USP36: variants seen among roughly 807,000 people sequenced by gnomAD.
USP36 encodes the protein ubiquitin carboxyl-terminal hydrolase 36.
A neutral mutation model predicts 111.5 loss-of-function variants in USP36; 59 were observed. The ratio of observed to expected loss-of-function variants is 0.53; its 90% CI spans 0.43 to 0.66. USP36 has a LOEUF of 0.66. Ranked by LOEUF, USP36 falls within the 30% of genes least tolerant of loss-of-function variation. USP36 has a pLI of 0.00. For missense variants in USP36, 1,488 were observed against 1,468.0 expected (o/e 1.01, Z -0.22); for synonymous variants, 628 against 581.0 (o/e 1.08, Z -1.16).
intron 5 of USP36, among the ~76,000 whole-genome samples, chr17:78,827,833 T>C (rs2067711758): frequency 6.6e-6 from 1 of 152,150 alleles, no homozygotes; most frequent in South Asian, 2.1e-4. Flanking sequence ...GGGTTGAGCC[T>C]AGGAGGTTGA....
chr17:78,789,163 C>A (rs1040723688), intron 3 of USP36, among the ~76,000 whole-genome samples: 1 of 148,928 alleles, frequency 6.7e-6, no homozygotes, highest in African/African-American at 2.5e-5. Context: ...CGCCATTGCA[C>A]CCCAGCCTGG....
intron 1 of USP36, chr17:78,840,405 C>T (rs1488166978): frequency 6.6e-6 from 1 of 152,362 alleles, no homozygotes; most frequent in Non-Finnish European, 1.5e-5. Flanking sequence ...TCAACCTCTC[C>T]GAAGTTGACC....
intron 15 of USP36, among the ~76,000 whole-genome samples, chr17:78,805,430 C>T (rs998202738): frequency 6.6e-6 from 1 of 152,170 alleles, no homozygotes; most frequent in Non-Finnish European, 1.5e-5. Context: ...ACAGTCATAC[C>T]TCGCCCTCAT....
intron 10 of USP36, among the ~76,000 whole-genome samples, chr17:78,818,454 T>TCC (rs1264615663): frequency 6.6e-6 from 1 of 152,154 alleles, no homozygotes; most frequent in Non-Finnish European, 1.5e-5. Context: ...TTAAAAGGCG[T>TCC]CCCAGGTTGC....
intron 15 of USP36, among the ~76,000 whole-genome samples, chr17:78,804,933 A>T (rs1421025930): frequency 6.6e-6 from 1 of 152,172 alleles, no homozygotes. Flanking sequence ...TCATAAGGAA[A>T]GCAAGTGTTG....
intron 13 of USP36, among the ~76,000 whole-genome samples, chr17:78,809,727 G>A (rs1319150476): frequency 6.6e-6 from 1 of 152,064 alleles, no homozygotes; most frequent in African/African-American, 2.4e-5. Flanking sequence ...GTGTTTAAGT[G>A]ATCCTCCTGC....
chr17:78,806,926 T>C lies in USP36; in HGVS notation c.2085+33A>G, dbSNP rs57732935. 5.5e-3 allele frequency: 8,874 copies of C among 1,606,038 alleles called. 428 individuals are homozygous for C. In the African/African-American group the frequency reaches 0.11, roughly 19 times the overall value. On this transcript the variant is annotated intron_variant, in intron 14 of 20. Coordinates refer to ENST00000449938, the MANE Select transcript of USP36 (RefSeq NM_001385174.1). ...CAAGCAACTCTTGGAGCTCTCCTGA[T>C]ACACAGCAGCGGCGAGACCCCCACA...
Position 78,803,465 on chromosome 17 carries a change from C to A in USP36, c.2730G>T (p.Ala910=), listed in dbSNP as rs577196991. The A allele has an allele frequency of 5.6e-6, 9 of 1,614,150 alleles. No individual in the cohort carries two copies. The highest frequency in any genetic ancestry group is 1.3e-5 in the African/African-American group (1 of 75,042). Residue 910 remains alanine, a synonymous_variant, in exon 16 of 21, where the codon GCG becomes GCT. Coordinates refer to ENST00000449938, the MANE Select transcript of USP36 (RefSeq NM_001385174.1). This position sits in a 1 kb window ranked among gnomAD's most constrained non-coding sequence, Gnocchi z 4.6. ...QVGCVTDGHH[A]SSRKRRRKGA... ...CTTTCCTCCTCCGCTTCCTGCTGCT[C>A]GCGTGGTGGCCGTCCGTAACACATC...
downstream of USP36, chr17:78,792,070 A>C (rs993125477): frequency 1.3e-5 from 2 of 152,492 alleles, no homozygotes; most frequent in East Asian, 3.8e-4. Context: ...GGAGGTCAAC[A>C]GTGTCAAATC....
chr17:78,814,019 C>T (rs1240620113), intron 11 of USP36, 146 bp from the exon 12 acceptor site: 6 of 735,232 alleles, frequency 8.2e-6, no homozygotes, highest in Non-Finnish European at 1.1e-5. Context: ...TCTATTAAAA[C>T]GTGTAATATT....
chr17:78,791,853 G>A (rs2093586906), downstream of USP36: 1 of 152,332 alleles, frequency 6.6e-6, no homozygotes, highest in Non-Finnish European at 1.5e-5. Context: ...CCAATGCTTT[G>A]GGAGGCCAAG....
In USP36 at chr17:78,838,272, C is replaced by T. The variant is rs147716446; in HGVS notation, c.-10+315G>A. Reference sequence around the variant, plus strand: ...CCTGTAATCCCAGCTACGCAGGAGGCTGAGGCAGAGAATTGCTTGAACACG... The same window carrying T: ...CCTGTAATCCCAGCTACGCAGGAGGTTGAGGCAGAGAATTGCTTGAACACG... On this transcript the variant is annotated intron_variant, in intron 2 of 20. Coordinates refer to ENST00000449938, the MANE Select transcript of USP36 (RefSeq NM_001385174.1). 3.3e-5 allele frequency among the ~76,000 whole-genome samples: 5 copies of T among 149,874 alleles called. No individual in the cohort carries two copies. The East Asian group carries it at 7.9e-4, about 24-fold the overall frequency.
At chr17:78,836,060 T>A (rs753487043) in intron 3 of USP36, 51 bp downstream of exon 3, 6 of 1,593,128 alleles carry the variant, frequency 3.8e-6, no homozygotes, top group Non-Finnish European at 5.1e-6. Context: ...GTCCATCCAC[T>A]TCGTCACCCC....
In USP36 at chr17:78,803,923, G is replaced by T. The variant is rs1339224206; in HGVS notation, c.2272C>A (p.His758Asn). The change falls in exon 16 of 21, where the codon CAC becomes AAC. Residue 758 changes from histidine (H) to asparagine (N), a missense_variant. Transcript: ENST00000449938. The surrounding 1 kb of genome is among the most constrained non-coding windows in gnomAD (Gnocchi z 4.6). Reference protein sequence around the residue: ...SSRLQPPFSPHPTLLSSTPKP... With the variant: ...SSRLQPPFSPNPTLLSSTPKP... Reference sequence around the variant, plus strand: ...GGGGTACTGGACAGCAATGTGGGGTGGGGGCTGAAGGGGGGTTGCAGGCGG... The same window carrying T: ...GGGGTACTGGACAGCAATGTGGGGTTGGGGCTGAAGGGGGGTTGCAGGCGG... 1 of 1,600,212 alleles carries T rather than the reference G, an allele frequency of 6.2e-7. No individual in the cohort carries two copies. The highest frequency in any genetic ancestry group is 8.5e-7 in the Non-Finnish European group (1 of 1,174,438).
intron 6 of USP36, among the ~76,000 whole-genome samples, chr17:78,824,050 C>A (rs2067309078): frequency 6.6e-6 from 1 of 152,224 alleles, no homozygotes; most frequent in Non-Finnish European, 1.5e-5. Flanking sequence ...CCAAGCCGAA[C>A]GTCCTCAACA....
At chr17:78,792,427 A>C (rs2093591066), downstream of USP36, among the ~76,000 whole-genome samples, 4 of 152,236 alleles carry the variant, frequency 2.6e-5, no homozygotes, top group South Asian at 8.3e-4. Flanking sequence ...GATGGGGAAC[A>C]GCCCCTATAC....
At chr17:78,819,609 T>G (rs972915360) in intron 9 of USP36, among the ~76,000 whole-genome samples, 1 of 152,252 alleles carries the variant, frequency 6.6e-6, no homozygotes, top group South Asian at 2.1e-4. Flanking sequence ...CACGTCCTCT[T>G]GGTGTGGCCC....
chr17:78,798,338 T>G lies in USP36; in HGVS notation c.*20+62A>C, dbSNP rs950108042. 12 of 1,588,212 alleles carry G rather than the reference T, an allele frequency of 7.6e-6. No homozygotes were observed. Among genetic ancestry groups the G allele is most frequent in the African/African-American group, 1.4e-5 (1 of 73,790 alleles). On this transcript the variant is annotated intron_variant, in intron 20 of 20. Transcript: ENST00000449938. This position sits in a 1 kb window ranked among gnomAD's most constrained non-coding sequence, Gnocchi z 5.1. ...CACACGCCACACCCCACCACACCCC[T>G]ACACACATACACGGCACACACACCC... is the stretch of plus-strand genomic sequence containing the variant.
At position 78,814,477 on chromosome 17, in the gene USP36, G is replaced by A. The variant is rs1372998837; in HGVS notation, c.1099C>T (p.Leu367Phe). The A allele has an allele frequency of 4.3e-6, 7 of 1,614,096 alleles. No homozygotes were observed. The highest frequency in any genetic ancestry group is 5.9e-6 in the Non-Finnish European group (7 of 1,180,042). ...QNNGDPVMYGLYAVLVHSGYS... is the reference protein window; with the variant it reads ...QNNGDPVMYGFYAVLVHSGYS... ...CCCGAGTGCACCAGGACAGCATAGAGTCCATACATGACAGGATCACCATTA... is the reference window on the plus strand; with the variant it reads ...CCCGAGTGCACCAGGACAGCATAGAATCCATACATGACAGGATCACCATTA... Residue 367 changes from leucine (L) to phenylalanine (F), a missense_variant, in exon 11 of 21, where the codon CTC (leucine) becomes TTC (phenylalanine). Around this residue, in one of 3 missense-constraint regions of USP36, gnomAD observed 1,073 missense variants for 994.1 expected, o/e 1.08. Transcript: ENST00000449938.
Sources: allele counts gnomAD v4.1 joint callset (sites outside exome capture counted in the v4.1 genomes callset), GRCh38; gene constraint gnomAD v4.1.1; regional missense constraint gnomAD v4.1.1; non-coding constraint Gnocchi (gnomAD v3.1); transcripts MANE v1.5; gene names NCBI Gene and HGNC (gene_info 2026-07-23, HGNC 2026-07-21).